ANK3: variants seen among roughly 807,000 people sequenced by gnomAD.
ANK3 encodes ankyrin 3, also known as ankyrin-3.
In ANK3, 57 loss-of-function variants were observed where a neutral mutation model predicts 370.9. That is an observed-to-expected ratio of 0.15 (90% confidence interval 0.12 to 0.19). The LOEUF is 0.19. Ranked by LOEUF, ANK3 falls within the 10% of genes least tolerant of loss-of-function variation. The pLI, the probability that ANK3 is intolerant of heterozygous loss-of-function variation, is 1.00. For synonymous variants in ANK3, 1,929 were observed against 1,946.3 expected, an observed-to-expected ratio of 0.99 and a Z score of 0.23; for missense variants, 4,439 against 5,302.1, an observed-to-expected ratio of 0.84 and a Z score of 5.06.
Position 60,263,894 on chromosome 10 carries a change from C to T in ANK3, c.640G>A (p.Asp214Asn), listed in dbSNP as rs2132649228. ...PALHIAARKD[D>N]TKAAALLLQN... ...AGCAGCAGGGCGGCGGCTTTCGTGTCGTCTTTTCGGGCCGCGATATGAAGA... is the reference window on the plus strand; with the variant it reads ...AGCAGCAGGGCGGCGGCTTTCGTGTTGTCTTTTCGGGCCGCGATATGAAGA... The change falls in exon 6 of 44, where the codon GAC becomes AAC. Residue 214 changes from aspartate (D) to asparagine (N), a missense_variant. Asp to Asn is a conservative substitution (Grantham distance 23). Coordinates refer to ENST00000280772, the MANE Select transcript of ANK3 (RefSeq NM_020987.5). 2.5e-6 allele frequency: 4 copies of T among 1,614,046 alleles called. No homozygotes were observed. The highest frequency in any genetic ancestry group is 3.4e-6 in the Non-Finnish European group (4 of 1,180,006).
intron 1 of ANK3, among the ~76,000 whole-genome samples, chr10:60,672,289 A>T (rs1158064634): frequency 6.6e-6 from 1 of 152,148 alleles, no homozygotes; most frequent in African/African-American, 2.4e-5. Flanking sequence ...GTTGATAGGA[A>T]CATCTTCTGT....
chr10:60,405,735 G>T (rs774841688), intron 2 of ANK3, among the ~76,000 whole-genome samples: 1 of 152,042 alleles, frequency 6.6e-6, no homozygotes, highest in African/African-American at 2.4e-5. Flanking sequence ...TCTATGTATC[G>T]AAATATATAA....
At chr10:60,370,743 A>G (rs1166421619) in intron 1 of ANK3, among the ~76,000 whole-genome samples, 7 of 152,190 alleles carry the variant, frequency 4.6e-5, no homozygotes, top group Non-Finnish European at 1.0e-4. Context: ...ATTATTCTCC[A>G]GGTTTCTAAT....
chr10:60,517,967 CTCA>C (rs898060411), intron 2 of ANK3, among the ~76,000 whole-genome samples: 2 of 152,104 alleles, frequency 1.3e-5, no homozygotes, highest in African/African-American at 4.8e-5. Context: ...TATTATGCAT[CTCA>C]TCATAAACAT....
chr10:60,317,207 G>T (rs1011930399), intron 1 of ANK3, among the ~76,000 whole-genome samples: 1 of 151,922 alleles, frequency 6.6e-6, no homozygotes, highest in Non-Finnish European at 1.5e-5. Context: ...GTGGTGCGAT[G>T]TCTGCCTCCT....
intron 31 of ANK3, 66 bp from the exon 32 acceptor site, chr10:60,084,896 C>T: frequency 8.2e-7 from 1 of 1,219,368 alleles, no homozygotes. Flanking sequence ...TAAAAAGACT[C>T]ACAATTAAAA....
chr10:60,132,345 A>G (rs1260612295), intron 25 of ANK3, among the ~76,000 whole-genome samples: 2 of 152,064 alleles, frequency 1.3e-5, no homozygotes, highest in Non-Finnish European at 2.9e-5. Context: ...GTGGGAGGTA[A>G]TTGAATCATA....
intron 24 of ANK3, among the ~76,000 whole-genome samples, chr10:60,136,770 T>C (rs532391839): frequency 6.7e-4 from 102 of 152,290 alleles, no homozygotes; most frequent in Non-Finnish European, 2.5e-4. Context: ...ATTAGACATA[T>C]GGAGTCAATT....
intron 23 of ANK3, among the ~76,000 whole-genome samples, chr10:60,161,073 C>T (rs1165161292): frequency 6.6e-6 from 1 of 152,004 alleles, no homozygotes; most frequent in Non-Finnish European, 1.5e-5. Context: ...TAAAGGACAT[C>T]CAAATTAGAA....
At chr10:60,568,921 A>T (rs765687758) in intron 2 of ANK3, among the ~76,000 whole-genome samples, 13 of 152,208 alleles carry the variant, frequency 8.5e-5, no homozygotes, top group Admixed American at 4.6e-4. Context: ...CATAGCAAGA[A>T]GATGGTCATC....
intron 2 of ANK3, among the ~76,000 whole-genome samples, chr10:60,494,836 C>T (rs1426836163): frequency 6.6e-6 from 1 of 151,962 alleles, no homozygotes; most frequent in Non-Finnish European, 1.5e-5. Flanking sequence ...GATGGTATAT[C>T]GATGTAAATA....
intron 2 of ANK3, among the ~76,000 whole-genome samples, chr10:60,403,544 C>A (rs145576641): frequency 6.6e-6 from 1 of 152,306 alleles, no homozygotes; most frequent in African/African-American, 2.4e-5. Flanking sequence ...GAATGCTTTT[C>A]CTCTAAGACT....
chr10:60,298,546 G>A (rs950814722), intron 1 of ANK3, among the ~76,000 whole-genome samples: 26 of 152,052 alleles, frequency 1.7e-4, no homozygotes, highest in African/African-American at 4.1e-4. Flanking sequence ...GATTCGTATC[G>A]GGTCAGTACC....
Position 60,042,760 on chromosome 10 carries a change from C to T in ANK3, c.13066-1G>A. 1 of 1,612,858 alleles carries T rather than the reference C, an allele frequency of 6.2e-7. No individual in the cohort carries two copies. Among genetic ancestry groups the T allele is most frequent in the Non-Finnish European group, 8.5e-7 (1 of 1,179,950 alleles). ...TTTTCACCTTAAAACCTTCTCCCTGCTTTGAAAGGAGTGTACATATTAAGA... is the reference window on the plus strand; with the variant it reads ...TTTTCACCTTAAAACCTTCTCCCTGTTTTGAAAGGAGTGTACATATTAAGA... On this transcript the variant is annotated splice_acceptor_variant, in intron 42 of 43. Transcript: ENST00000280772. LOFTEE classifies it high-confidence loss of function.
intron 1 of ANK3, among the ~76,000 whole-genome samples, chr10:60,704,706 T>A (rs1407507858): frequency 6.6e-6 from 1 of 152,186 alleles, no homozygotes; most frequent in Non-Finnish European, 1.5e-5. Context: ...ATCAGACTGT[T>A]AATGTTCTAC....
At chr10:60,255,334 G>T (rs757549123) in intron 7 of ANK3, among the ~76,000 whole-genome samples, 2 of 152,116 alleles carry the variant, frequency 1.3e-5, no homozygotes, top group Non-Finnish European at 2.9e-5. Context: ...TAGAAAAAAG[G>T]CTATCAGGCA....
chr10:60,110,961 T>C (rs2092666768), intron 26 of ANK3, among the ~76,000 whole-genome samples: 1 of 152,196 alleles, frequency 6.6e-6, no homozygotes, highest in Non-Finnish European at 1.5e-5. Context: ...TAATTCTGAT[T>C]GGGTCTGTCT....
intron 7 of ANK3, among the ~76,000 whole-genome samples, chr10:60,246,314 GTT>G (rs113586498): frequency 7.3e-6 from 1 of 136,832 alleles, no homozygotes; most frequent in African/African-American, 2.7e-5. Context: ...ACCATTGTAA[GTT>G]TTTTTTTTTC....
rs191777207 is a variant in ANK3 at position 60,493,886 on chromosome 10, G to C, written c.96+121300C>G. On this transcript the variant is annotated intron_variant, in intron 2 of 43. Transcript: ENST00000373827. ...ATACTAACATTTTAAAGTTGTCAGA[G>C]AAAGAGGATAGTGGACACTGTGATT... 1.9e-3 allele frequency among the ~76,000 whole-genome samples: 288 copies of C among 152,258 alleles called. 3 individuals carry two copies. The highest frequency in any genetic ancestry group is 6.8e-3 in the African/African-American group (281 of 41,554).
Sources: gnomAD v4.1 joint callset for allele counts (sites outside exome capture counted in the v4.1 genomes callset) on GRCh38, gnomAD v4.1.1 for gene constraint, MANE v1.5 for transcripts, NCBI Gene and HGNC (gene_info 2026-07-23, HGNC 2026-07-21) for gene names.